SLIT3: variants seen among roughly 807,000 people sequenced by gnomAD.
The protein encoded by SLIT3 is slit guidance ligand 3.
A neutral mutation model predicts 184.0 loss-of-function variants in SLIT3; 68 were observed. That is an observed-to-expected ratio of 0.37 (90% confidence interval 0.30 to 0.45). SLIT3 has a LOEUF of 0.45. SLIT3 is among the 20% of genes least tolerant of loss of function. The pLI is 1.00. For missense variants in SLIT3, 1,707 were observed against 2,026.0 expected, an observed-to-expected ratio of 0.84 and a Z score of 3.02; for synonymous variants, 831 against 828.6, an observed-to-expected ratio of 1.00 and a Z score of -0.05.
At chr5:169,062,808 C>G (rs1196965842) in intron 4 of SLIT3, among the ~76,000 whole-genome samples, 4 of 152,300 alleles carry the variant, frequency 2.6e-5, no homozygotes, top group Middle Eastern at 3.4e-3. Flanking sequence ...TCATTTCCCC[C>G]TTCATGTTCC....
At chr5:168,713,977 C>T (rs1363405308) in intron 23 of SLIT3, among the ~76,000 whole-genome samples, 2 of 152,174 alleles carry the variant, frequency 1.3e-5, no homozygotes, top group Non-Finnish European at 2.9e-5. Context: ...TTCTCTTTCT[C>T]CTCTTAGTTA....
At chr5:168,953,949 T>G (rs7703544) in intron 4 of SLIT3, among the ~76,000 whole-genome samples, 73,122 of 152,040 alleles carry the variant, frequency 0.48, 18,758 homozygotes, top group African/African-American at 0.67. Flanking sequence ...AGTTGACGAC[T>G]TCTAGAATAC....
At chr5:169,220,056 C>T (rs1244715080) in intron 3 of SLIT3, among the ~76,000 whole-genome samples, 1 of 152,068 alleles carries the variant, frequency 6.6e-6, no homozygotes, top group Non-Finnish European at 1.5e-5. Context: ...CCTGTCCCAG[C>T]CCCCAGTTCT....
intron 4 of SLIT3, among the ~76,000 whole-genome samples, chr5:168,943,907 C>T (rs536017603): frequency 6.6e-6 from 1 of 152,140 alleles, no homozygotes; most frequent in Non-Finnish European, 1.5e-5. Flanking sequence ...CTGACAGTTG[C>T]TTTAAGTCAC....
chr5:168,905,268 C>A (rs1761010430), intron 4 of SLIT3, among the ~76,000 whole-genome samples: 1 of 152,176 alleles, frequency 6.6e-6, no homozygotes, highest in Non-Finnish European at 1.5e-5. Context: ...CCTTTCTATC[C>A]TTTTTCCTCC....
At chr5:168,681,136 G>A (rs1025517923) in intron 32 of SLIT3, among the ~76,000 whole-genome samples, 2 of 152,216 alleles carry the variant, frequency 1.3e-5, no homozygotes, top group African/African-American at 4.8e-5. Flanking sequence ...GTGACACAGT[G>A]AGACACTGTC....
In SLIT3 at chr5:168,854,194, C is replaced by T. The variant is rs147887529; in HGVS notation, c.486-9539G>A. 8.4e-3 allele frequency among the ~76,000 whole-genome samples: 1,284 copies of T among 152,206 alleles called. 5 individuals carry two copies. Among genetic ancestry groups the T allele is most frequent in the Middle Eastern group, 0.017 (5 of 294 alleles). ...TTCTCTGACTTTCAAAATACAAAGACAGGGAGCCTAATATGACTGTGTGGG... is the reference window on the plus strand; with the variant it reads ...TTCTCTGACTTTCAAAATACAAAGATAGGGAGCCTAATATGACTGTGTGGG... On this transcript the variant is annotated intron_variant, in intron 5 of 35. Transcript: ENST00000519560.
chr5:168,957,245 A>T (rs1762856520), intron 4 of SLIT3, among the ~76,000 whole-genome samples: 1 of 151,246 alleles, frequency 6.6e-6, no homozygotes, highest in African/African-American at 2.4e-5. Flanking sequence ...AAAAAAAAAA[A>T]ATAGAGGTGG....
intron 4 of SLIT3, among the ~76,000 whole-genome samples, chr5:168,924,177 G>A (rs1761731902): frequency 6.6e-6 from 1 of 152,222 alleles, no homozygotes; most frequent in Non-Finnish European, 1.5e-5. Flanking sequence ...TTTCAGTCAT[G>A]GTGGCAGACT....
chr5:168,954,747 G>A (rs1378716171), intron 4 of SLIT3, among the ~76,000 whole-genome samples: 1 of 152,184 alleles, frequency 6.6e-6, no homozygotes, highest in African/African-American at 2.4e-5. Flanking sequence ...AGGGGGAAGT[G>A]GCTGGCAGGA....
At chr5:169,150,988 T>C (rs2113368809) in intron 4 of SLIT3, among the ~76,000 whole-genome samples, 1 of 152,190 alleles carries the variant, frequency 6.6e-6, no homozygotes, top group Non-Finnish European at 1.5e-5. Context: ...AAGAGGGTCC[T>C]AAGCTCCCTA....
chr5:168,966,555 T>G (rs954262843), intron 4 of SLIT3, among the ~76,000 whole-genome samples: 9 of 152,156 alleles, frequency 5.9e-5, no homozygotes, highest in Admixed American at 1.3e-4. Flanking sequence ...GACAAAAGCT[T>G]CTTCTTGAGT....
At chr5:168,827,132 T>A (rs1757731942) in intron 6 of SLIT3, among the ~76,000 whole-genome samples, 1 of 152,202 alleles carries the variant, frequency 6.6e-6, no homozygotes, top group Admixed American at 6.5e-5. Context: ...CTCCATTTCA[T>A]GATTGAAGCA....
chr5:168,975,461 CCACA>C (rs998848794), intron 4 of SLIT3, among the ~76,000 whole-genome samples: 4 of 151,900 alleles, frequency 2.6e-5, no homozygotes, highest in Non-Finnish European at 4.4e-5. Flanking sequence ...AGACACCCCC[CCACA>C]CACACAGACA....
At chr5:168,953,094 C>T (rs191147834) in intron 4 of SLIT3, among the ~76,000 whole-genome samples, 101 of 152,248 alleles carry the variant, frequency 6.6e-4, no homozygotes, top group African/African-American at 2.4e-3. Context: ...GCTAAACAGG[C>T]TTAGTAGGAT....
intron 14 of SLIT3, among the ~76,000 whole-genome samples, chr5:168,765,735 G>A (rs1755318522): frequency 2.0e-5 from 3 of 152,178 alleles, no homozygotes. Flanking sequence ...TTTGGGGTGA[G>A]TTCAGACAGA....
At chr5:169,240,489 C>T (rs973449183) in intron 3 of SLIT3, among the ~76,000 whole-genome samples, 1 of 149,394 alleles carries the variant, frequency 6.7e-6, no homozygotes, top group Non-Finnish European at 1.5e-5. Context: ...AAAATTCCCT[C>T]TTTATATCTA....
intron 29 of SLIT3, among the ~76,000 whole-genome samples, chr5:168,690,357 G>A (rs1315497986): frequency 6.6e-6 from 1 of 152,040 alleles, no homozygotes; most frequent in Non-Finnish European, 1.5e-5. Context: ...GTGGCCCCTA[G>A]ACCACTTCTG....
chr5:169,205,278 C>A (rs1202020164), intron 3 of SLIT3, among the ~76,000 whole-genome samples: 1 of 152,176 alleles, frequency 6.6e-6, no homozygotes, highest in East Asian at 1.9e-4. Context: ...CCATGTAAAC[C>A]ACAGCCCTGG....
Sources: allele counts gnomAD v4.1 joint callset (sites outside exome capture counted in the v4.1 genomes callset), GRCh38; gene constraint gnomAD v4.1.1; transcripts MANE v1.5; gene names NCBI Gene and HGNC (gene_info 2026-07-23, HGNC 2026-07-21).